IQCM: variants seen among roughly 807,000 people sequenced by gnomAD.
The protein encoded by IQCM is IQ motif containing M, also known as IQ domain-containing protein M.
In IQCM, 45 loss-of-function variants were observed where a neutral mutation model predicts 57.6. The ratio of observed to expected loss-of-function variants is 0.78; its 90% CI spans 0.62 to 1.00. The LOEUF is 1.00. Ranked by LOEUF, IQCM falls within the 50% of genes least tolerant of loss-of-function variation. IQCM has a pLI of 0.00. For missense variants in IQCM, 468 were observed against 511.6 expected, an observed-to-expected ratio of 0.91 and a Z score of 0.82; for synonymous variants, 148 against 158.9, an observed-to-expected ratio of 0.93 and a Z score of 0.51.
intron 13 of IQCM, among the ~76,000 whole-genome samples, chr4:149,382,796 T>C (rs1731167065): frequency 6.6e-6 from 1 of 152,042 alleles, no homozygotes; most frequent in Non-Finnish European, 1.5e-5. Context: ...TCGAGTGATA[T>C]TGTTCACATT....
At chr4:149,396,525 A>G (rs1732240692) in intron 13 of IQCM, among the ~76,000 whole-genome samples, 2 of 152,108 alleles carry the variant, frequency 1.3e-5, no homozygotes, top group African/African-American at 2.4e-5. Flanking sequence ...ATTTTTGCAT[A>G]TCAGTATAGA....
At chr4:149,437,137 T>A (rs1735440129) in intron 12 of IQCM, among the ~76,000 whole-genome samples, 1 of 152,146 alleles carries the variant, frequency 6.6e-6, no homozygotes, top group Non-Finnish European at 1.5e-5. Context: ...TAAACCACAA[T>A]GCATATTGTT....
At chr4:149,528,258 T>TC (rs201283739) in intron 12 of IQCM, among the ~76,000 whole-genome samples, 3,487 of 152,196 alleles carry the variant, frequency 0.023, 102 homozygotes, top group South Asian at 0.14. Flanking sequence ...AGTGCTGGGA[T>TC]TACAGGCGTG....
chr4:149,717,702 A>C (rs1765117067), intron 5 of IQCM, among the ~76,000 whole-genome samples: 1 of 152,220 alleles, frequency 6.6e-6, no homozygotes, highest in South Asian at 2.1e-4. Flanking sequence ...AGGTTGACCA[A>C]CTTACACAGA....
intron 2 of IQCM, among the ~76,000 whole-genome samples, chr4:149,792,455 G>C (rs1432415351): frequency 6.6e-6 from 1 of 152,098 alleles, no homozygotes; most frequent in East Asian, 1.9e-4. Flanking sequence ...GATGTTAACT[G>C]TAAAGTATTA....
At chr4:149,394,207 T>C (rs768840126) in intron 13 of IQCM, among the ~76,000 whole-genome samples, 5 of 152,138 alleles carry the variant, frequency 3.3e-5, no homozygotes, top group African/African-American at 9.6e-5. Flanking sequence ...GATGAGTACA[T>C]TGAAAGCCTA....
chr4:149,674,011 A>G (rs1165377689), intron 7 of IQCM, among the ~76,000 whole-genome samples: 4 of 152,082 alleles, frequency 2.6e-5, no homozygotes, highest in Non-Finnish European at 5.9e-5. Context: ...CTTTCTTGCC[A>G]GTTTGGTCAG....
chr4:149,682,920 C>A (rs1310730479), intron 6 of IQCM, among the ~76,000 whole-genome samples: 1 of 151,050 alleles, frequency 6.6e-6, no homozygotes, highest in Non-Finnish European at 1.5e-5. Flanking sequence ...CTTCAGGAAC[C>A]ATATTACTAT....
At position 149,815,350 on chromosome 4, in the gene IQCM, T is replaced by C. The variant is rs916906749; in HGVS notation, c.-86-2A>G. The C allele has an allele frequency of 1.3e-5, 2 of 151,908 alleles. No homozygotes were observed. Among genetic ancestry groups the C allele is most frequent in the African/African-American group, 4.8e-5 (2 of 41,420 alleles). 9.4% of individuals were successfully genotyped at this position (151,908 alleles called of 1,614,324 possible). A position where few individuals can be genotyped will look rare whatever the true frequency, so the allele number is the denominator to read the frequency against. ...TTCCAAGGTCATTTGTTCTTCTTCCTAGAAGGCACAGGAGAGTTCATTGAA... is the reference window on the plus strand; with the variant it reads ...TTCCAAGGTCATTTGTTCTTCTTCCCAGAAGGCACAGGAGAGTTCATTGAA... On this transcript the variant is annotated splice_acceptor_variant, in intron 1 of 13. Coordinates refer to ENST00000636793, the MANE Select transcript of IQCM (RefSeq NM_001363507.2). LOFTEE classifies it low-confidence loss of function (5UTR_SPLICE).
At chr4:149,655,003 G>C (rs913932193) in intron 7 of IQCM, among the ~76,000 whole-genome samples, 2 of 152,022 alleles carry the variant, frequency 1.3e-5, no homozygotes. Context: ...GTGACTACCA[G>C]AAAATTTTAA....
intron 13 of IQCM, among the ~76,000 whole-genome samples, chr4:149,409,584 T>A (rs1733226838): frequency 6.6e-6 from 1 of 152,216 alleles, no homozygotes; most frequent in South Asian, 2.1e-4. Context: ...TGGAAATTTG[T>A]GTGGTGACAT....
At chr4:149,586,505 A>C (rs1752657700) in intron 9 of IQCM, among the ~76,000 whole-genome samples, 1 of 151,594 alleles carries the variant, frequency 6.6e-6, no homozygotes, top group South Asian at 2.1e-4. Flanking sequence ...TTTTTTAAAA[A>C]CTGGTCTTAA....
chr4:149,581,822 C>A (rs1278699393), intron 9 of IQCM, among the ~76,000 whole-genome samples: 1 of 151,576 alleles, frequency 6.6e-6, no homozygotes, highest in Non-Finnish European at 1.5e-5. Context: ...TGGAGAATTG[C>A]ACTTTCCCAT....
At chr4:149,814,513 C>G (rs2150073827) in intron 2 of IQCM, among the ~76,000 whole-genome samples, 1 of 151,722 alleles carries the variant, frequency 6.6e-6, no homozygotes, top group South Asian at 2.1e-4. Flanking sequence ...AAGGTGATAT[C>G]TTTATACTTA....
intron 13 of IQCM, among the ~76,000 whole-genome samples, chr4:149,356,922 G>A (rs953254673): frequency 2.0e-5 from 3 of 151,946 alleles, no homozygotes; most frequent in African/African-American, 7.3e-5. Flanking sequence ...TTATTTCATT[G>A]AGCCATGGTT....
chr4:149,563,672 A>C lies in IQCM; in HGVS notation c.948+20T>G. On this transcript the variant is annotated intron_variant, in intron 10 of 13. Transcript: ENST00000636793. ...AATGAGAAATTTTAAACACATTATA[A>C]TATCTGATGGATATCTTACCTTGGT... 1.6e-6 allele frequency: 2 copies of C among 1,223,256 alleles called. No individual in the cohort carries two copies. Among genetic ancestry groups the C allele is most frequent in the Non-Finnish European group, 2.0e-6 (2 of 979,938 alleles). The allele number at this position is 1,223,256 out of a possible 1,614,324, so 75.8% of individuals were successfully genotyped here. A position where few individuals can be genotyped will look rare whatever the true frequency, so the allele number is the denominator to read the frequency against.
chr4:149,526,500 G>A (rs968851014), intron 12 of IQCM, among the ~76,000 whole-genome samples: 1 of 151,808 alleles, frequency 6.6e-6, no homozygotes, highest in Admixed American at 6.6e-5. Context: ...AAATTTCAAA[G>A]AGCTATAAAA....
intron 7 of IQCM, among the ~76,000 whole-genome samples, chr4:149,657,694 G>A (rs555471096): frequency 1.3e-4 from 20 of 151,806 alleles, no homozygotes; most frequent in Admixed American, 1.3e-3. Flanking sequence ...TTTGATAATT[G>A]CCATTCTAAC....
At chr4:149,608,188 G>A (rs977544806) in intron 8 of IQCM, among the ~76,000 whole-genome samples, 19 of 151,844 alleles carry the variant, frequency 1.3e-4, no homozygotes, top group African/African-American at 4.6e-4. Context: ...TATAATGGTA[G>A]AGGAGACAAT....
Sources: gnomAD v4.1 joint callset for allele counts (sites outside exome capture counted in the v4.1 genomes callset) on GRCh38, gnomAD v4.1.1 for gene constraint, MANE v1.5 for transcripts, NCBI Gene and HGNC (gene_info 2026-07-23, HGNC 2026-07-21) for gene names.